NECAB2: variants seen among roughly 807,000 people sequenced by gnomAD.
NECAB2 encodes N-terminal EF-hand calcium-binding protein 2.
NECAB2 carries 68 observed loss-of-function variants against 51.9 expected under a neutral mutation model. The observed-to-expected ratio is 1.31, with a 90% CI of 1.08 to 1.60. The LOEUF (loss-of-function observed/expected upper bound fraction) is 1.60. Ranked by LOEUF, NECAB2 falls within the 40% of genes most tolerant of loss-of-function variation. The pLI is 0.00. For missense variants in NECAB2, 854 were observed against 490.3 expected (o/e 1.74, Z -7.00); for synonymous variants, 329 against 203.5 (o/e 1.62, Z -5.25).
In NECAB2 at chr16:83,997,397, C is replaced by T. The variant is rs766498139; in HGVS notation, c.849+128C>T. ...GGGACCACCAGGAGGGGAGATGTCG[C>T]CCAGCGCTTGGCACCCAGACCCTGC... On this transcript the variant is annotated intron_variant, in intron 9 of 12. Transcript: ENST00000305202. 126 of 1,235,752 alleles carry T rather than the reference C, an allele frequency of 1.0e-4. 2 individuals carry two copies. Among genetic ancestry groups the T allele is most frequent in the Non-Finnish European group, 1.2e-4 (106 of 873,614 alleles). The allele number at this position is 1,235,752 out of a possible 1,614,324, so 76.5% of individuals were successfully genotyped here.
chr16:83,975,634 C>G (rs2084400183), intron 2 of NECAB2, among the ~76,000 whole-genome samples: 1 of 152,116 alleles, frequency 6.6e-6, no homozygotes, highest in Non-Finnish European at 1.5e-5. Context: ...TGCCCAGTCC[C>G]TATGGGAAGG....
At chr16:83,982,648 T>C (rs2084503079) in intron 5 of NECAB2, among the ~76,000 whole-genome samples, 1 of 152,164 alleles carries the variant, frequency 6.6e-6, no homozygotes, top group African/African-American at 2.4e-5. Flanking sequence ...GTAACATCCA[T>C]GGTTGCGTCT....
intron 10 of NECAB2, among the ~76,000 whole-genome samples, chr16:84,000,152 A>C (rs2084798358): frequency 6.6e-6 from 1 of 152,052 alleles, no homozygotes; most frequent in Non-Finnish European, 1.5e-5. Flanking sequence ...TCGACCCCTC[A>C]AGACTTCCCA....
intron 3 of NECAB2, among the ~76,000 whole-genome samples, chr16:83,980,507 C>T (rs546977363): frequency 4.6e-5 from 7 of 152,202 alleles, no homozygotes; most frequent in Admixed American, 1.3e-4. Context: ...GCTGACAGCC[C>T]GTCACAGTAA....
intron 1 of NECAB2, among the ~76,000 whole-genome samples, chr16:83,971,042 C>T (rs1282771962): frequency 6.6e-6 from 1 of 151,672 alleles, no homozygotes; most frequent in Non-Finnish European, 1.5e-5. Flanking sequence ...TGCAGTGAGC[C>T]AAGATCGCGC....
chr16:83,966,114 C>A, upstream of NECAB2: 1 of 935,426 alleles, frequency 1.1e-6, no homozygotes, highest in Non-Finnish European at 1.6e-6. Context: ...GGTGTCAGCC[C>A]ACGTTGCTGG....
intron 5 of NECAB2, among the ~76,000 whole-genome samples, chr16:83,988,978 G>A (rs909135448): frequency 1.4e-4 from 22 of 152,104 alleles, no homozygotes; most frequent in African/African-American, 4.8e-4. Flanking sequence ...TTTACTCCCC[G>A]GAAAATAACT....
upstream of NECAB2, among the ~76,000 whole-genome samples, chr16:83,966,821 G>A (rs576513127): frequency 1.4e-4 from 21 of 152,254 alleles, no homozygotes; most frequent in East Asian, 1.9e-3. Context: ...CTCCACTGCC[G>A]TCACAGCAAA....
rs1402389001 is a variant in NECAB2 at position 84,000,877 on chromosome 16, C to CCTTGGAGGG, written c.1040+77_1040+85dup. ...GGGCTGTCTTCCTGGAGCCAGGCAT[C>CCTTGGAGGG]CTTGGAGGGGAGGGTAAGGCCGAGT... On this transcript the variant is annotated intron_variant, in intron 11 of 12. Transcript: ENST00000305202. 9.0e-6 allele frequency: 13 copies of CCTTGGAGGG among 1,449,944 alleles called. No individual in the cohort carries two copies. The Admixed American group carries it at 2.2e-4, about 25-fold the overall frequency. The allele number at this position is 1,449,944 out of a possible 1,614,324, so 89.8% of individuals were successfully genotyped here.
chr16:83,985,362 C>A (rs550023098), intron 5 of NECAB2, among the ~76,000 whole-genome samples: 221 of 127,820 alleles, frequency 1.7e-3, no homozygotes, highest in African/African-American at 5.7e-3. Flanking sequence ...CTGCTGGGTG[C>A]GGTGGCTCAC....
At chr16:83,985,200 C>G (rs1038048635) in intron 5 of NECAB2, among the ~76,000 whole-genome samples, 9 of 149,976 alleles carry the variant, frequency 6.0e-5, no homozygotes, top group Admixed American at 4.7e-4. Context: ...GTAATCCCAG[C>G]TACTTGGGAG....
At chr16:83,972,435 A>T (rs1332857028) in intron 2 of NECAB2, among the ~76,000 whole-genome samples, 1 of 152,206 alleles carries the variant, frequency 6.6e-6, no homozygotes, top group Non-Finnish European at 1.5e-5. Flanking sequence ...TGCCAAGAAC[A>T]ATGACTGGCC....
chr16:84,000,394 G>A (rs1003177853), intron 10 of NECAB2, among the ~76,000 whole-genome samples: 2 of 151,604 alleles, frequency 1.3e-5, no homozygotes, highest in African/African-American at 4.9e-5. Context: ...TAGGCCGAGT[G>A]GTGCACTCCT....
intron 5 of NECAB2, among the ~76,000 whole-genome samples, chr16:83,985,831 T>C (rs2084545836): frequency 6.6e-6 from 1 of 152,166 alleles, no homozygotes; most frequent in Non-Finnish European, 1.5e-5. Flanking sequence ...ATTACATTTG[T>C]GTTTGTTTTT....
chr16:83,999,084 C>T (rs1352925244), intron 10 of NECAB2, among the ~76,000 whole-genome samples: 3 of 152,196 alleles, frequency 2.0e-5, no homozygotes, highest in African/African-American at 7.2e-5. Flanking sequence ...TGGCTGTGAA[C>T]CAGGCAGGCC....
Position 83,989,220 on chromosome 16 carries a change from G to A in NECAB2, c.460-1274G>A, listed in dbSNP as rs547767547. Among the ~76,000 whole-genome samples, 3 of 152,254 alleles carry A rather than the reference G, an allele frequency of 2.0e-5. No homozygotes were observed. The East Asian group carries it at 5.8e-4, about 29-fold the overall frequency. ...TGGATCATGTGTGGTTTTGGTCATT[G>A]CCATTTATTCAGCTGCGGGAACCTG... On this transcript the variant is annotated intron_variant, in intron 5 of 12. Transcript: ENST00000305202.
chr16:83,988,773 A>T (rs1313970438), intron 5 of NECAB2, among the ~76,000 whole-genome samples: 3 of 152,114 alleles, frequency 2.0e-5, no homozygotes, highest in Non-Finnish European at 4.4e-5. Context: ...AAATTTCTCC[A>T]CCTGAGCCTT....
At chr16:83,994,795 A>C in intron 8 of NECAB2, 107 bp downstream of exon 8, 1 of 1,296,066 alleles carries the variant, frequency 7.7e-7, no homozygotes, top group Admixed American at 2.1e-5. Flanking sequence ...GGGCCAGGGA[A>C]CCATGAAAAA....
At position 83,994,590 on chromosome 16, in the gene NECAB2, G is replaced by A; in HGVS notation, c.716-19G>A. 1 of 1,614,010 alleles carries A rather than the reference G, an allele frequency of 6.2e-7. No individual in the cohort carries two copies. Among genetic ancestry groups the A allele is most frequent in the Non-Finnish European group, 8.5e-7 (1 of 1,179,982 alleles). On this transcript the variant is annotated intron_variant, in intron 7 of 12. Coordinates refer to ENST00000305202, the MANE Select transcript of NECAB2 (RefSeq NM_019065.3). ...TCCTGCCCACCACTGAAGTCTGTGT[G>A]TCTCTTTCTCTACCGCAGCCACGGA...
Sources: gnomAD v4.1 joint callset for allele counts (sites outside exome capture counted in the v4.1 genomes callset) on GRCh38, gnomAD v4.1.1 for gene constraint, MANE v1.5 for transcripts, NCBI Gene and HGNC (gene_info 2026-07-23, HGNC 2026-07-21) for gene names.